The following TNRC6B variants were observed in gnomAD, a reference collection of about 807,000 sequenced individuals.
The protein encoded by TNRC6B is trinucleotide repeat-containing gene 6B protein.
In TNRC6B, 52 loss-of-function variants were observed where a neutral mutation model predicts 203.6. The observed-to-expected ratio is 0.26, with a 90% CI of 0.20 to 0.32. The LOEUF is 0.32. Among genes scored for constraint, TNRC6B ranks in the 10% least tolerant of loss-of-function variants. TNRC6B has a pLI of 1.00. For synonymous variants in TNRC6B, 838 were observed against 845.7 expected, an observed-to-expected ratio of 0.99 and a Z score of 0.16; for missense variants, 1,923 against 2,286.2, an observed-to-expected ratio of 0.84 and a Z score of 3.24.
At chr22:40,211,069 C>T (rs1347027984) in intron 1 of TNRC6B, among the ~76,000 whole-genome samples, 1 of 151,844 alleles carries the variant, frequency 6.6e-6, no homozygotes, top group African/African-American at 2.4e-5. Context: ...GTTACCAGCC[C>T]TTTTAATACT....
At chr22:40,294,258 A>ATCAATCAG (rs940848662) in intron 12 of TNRC6B, among the ~76,000 whole-genome samples, 2 of 152,076 alleles carry the variant, frequency 1.3e-5, no homozygotes, top group East Asian at 1.9e-4. Context: ...GTCTCAAAAA[A>ATCAATCAG]TCAATCAGTC....
chr22:40,309,613 C>T (rs1286855779), intron 16 of TNRC6B, among the ~76,000 whole-genome samples: 1 of 152,220 alleles, frequency 6.6e-6, no homozygotes, highest in African/African-American at 2.4e-5. Context: ...TGGGCACTTT[C>T]AATGCTTCCT....
chr22:40,251,704 G>T (rs1200899376), intron 3 of TNRC6B, among the ~76,000 whole-genome samples: 1 of 151,132 alleles, frequency 6.6e-6, no homozygotes, highest in African/African-American at 2.4e-5. Flanking sequence ...GGGCAACAAA[G>T]TGAGACTCCG....
intron 1 of TNRC6B, among the ~76,000 whole-genome samples, chr22:40,244,042 T>G (rs767564260): frequency 5.3e-5 from 8 of 152,182 alleles, no homozygotes; most frequent in Middle Eastern, 3.4e-3. Context: ...GGTTTCACTG[T>G]AAAATGTGGA....
intron 1 of TNRC6B, among the ~76,000 whole-genome samples, chr22:40,086,124 G>C (rs1479795317): frequency 6.6e-6 from 1 of 152,084 alleles, no homozygotes; most frequent in East Asian, 1.9e-4. Context: ...TACTGCCTTG[G>C]CCTCCCAGAG....
At chr22:40,193,183 G>A (rs1158469832) in intron 1 of TNRC6B, among the ~76,000 whole-genome samples, 2 of 152,114 alleles carry the variant, frequency 1.3e-5, no homozygotes, top group African/African-American at 2.4e-5. Flanking sequence ...TTGTTGTCGC[G>A]TGGCAAAGTC....
chr22:40,312,478 C>G (rs779729620), intron 17 of TNRC6B, 27 bp from the exon 18 acceptor site: 3 of 1,593,656 alleles, frequency 1.9e-6, no homozygotes, highest in Non-Finnish European at 2.6e-6. Flanking sequence ...GACCTTCCTT[C>G]TCTAATATTT....
chr22:40,136,889 CGTA>C (rs1404207471), intron 3 of TNRC6B, among the ~76,000 whole-genome samples: 4 of 152,074 alleles, frequency 2.6e-5, no homozygotes, highest in African/African-American at 9.7e-5. Context: ...AGCAAGTAAA[CGTA>C]GTCTTTGTCT....
chr22:40,082,665 A>C (rs1214834821), intron 1 of TNRC6B, among the ~76,000 whole-genome samples: 1 of 152,244 alleles, frequency 6.6e-6, no homozygotes, highest in Non-Finnish European at 1.5e-5. Context: ...CAGAGAGACC[A>C]ATGGGGAAGC....
intron 2 of TNRC6B, among the ~76,000 whole-genome samples, chr22:40,125,227 GTT>G (rs2068479462): frequency 6.6e-6 from 1 of 152,058 alleles, no homozygotes; most frequent in African/African-American, 2.4e-5. Context: ...CTGACATTTA[GTT>G]TATTAAGCAC....
intron 1 of TNRC6B, among the ~76,000 whole-genome samples, chr22:40,206,470 TC>T (rs2069479180): frequency 6.6e-6 from 1 of 151,444 alleles, no homozygotes; most frequent in Non-Finnish European, 1.5e-5. Context: ...TTTGTCATGT[TC>T]ATGGTTAAGA....
chr22:40,120,762 C>T (rs2068436600), intron 2 of TNRC6B, among the ~76,000 whole-genome samples: 1 of 152,122 alleles, frequency 6.6e-6, no homozygotes, highest in South Asian at 2.1e-4. Context: ...CAAAATTTCA[C>T]GTTTATCATT....
chr22:40,154,877 A>ATATATATATATG (rs2068804631), intron 3 of TNRC6B, among the ~76,000 whole-genome samples: 1 of 56,274 alleles, frequency 1.8e-5, no homozygotes, highest in Non-Finnish European at 3.2e-5. Context: ...ATATATATAT[A>ATATATATATATG]TATATATATA....
chr22:40,169,881 T>C (rs1367585154), intron 4 of TNRC6B, among the ~76,000 whole-genome samples: 1 of 152,202 alleles, frequency 6.6e-6, no homozygotes, highest in African/African-American at 2.4e-5. Context: ...GATTTATCTA[T>C]TTATTTTTGC....
At chr22:40,249,333 C>A (rs569739978) in intron 2 of TNRC6B, among the ~76,000 whole-genome samples, 20 of 152,338 alleles carry the variant, frequency 1.3e-4, no homozygotes, top group Non-Finnish European at 2.1e-4. Flanking sequence ...TTGACACTTA[C>A]TTAAAGCTAA....
chr22:40,045,306 C>G (rs1310572277), intron 1 of TNRC6B, among the ~76,000 whole-genome samples: 1 of 145,626 alleles, frequency 6.9e-6, no homozygotes, highest in Non-Finnish European at 1.5e-5. Context: ...ACGTCCGGCG[C>G]GCGGGCCGGG....
intron 1 of TNRC6B, among the ~76,000 whole-genome samples, chr22:40,229,583 T>C (rs2069839345): frequency 6.6e-6 from 1 of 152,122 alleles, no homozygotes; most frequent in African/African-American, 2.4e-5. Flanking sequence ...CTGTCTCCTC[T>C]TGCCCATTTA....
At chr22:40,262,762 G>A (rs189697463) in intron 4 of TNRC6B, among the ~76,000 whole-genome samples, 18 of 152,056 alleles carry the variant, frequency 1.2e-4, no homozygotes, top group Non-Finnish European at 2.4e-4. Flanking sequence ...GTTTTTGGCC[G>A]GGCACGGTGG....
At chr22:40,098,723 A>AT (rs1041159349) in intron 1 of TNRC6B, among the ~76,000 whole-genome samples, 23 of 151,598 alleles carry the variant, frequency 1.5e-4, no homozygotes, top group East Asian at 7.7e-4. Context: ...TATTTCTTTA[A>AT]TTTTTTTTAG....
Sources: gnomAD v4.1 joint callset for allele counts (sites outside exome capture counted in the v4.1 genomes callset) on GRCh38, gnomAD v4.1.1 for gene constraint, MANE v1.5 for transcripts, NCBI Gene and HGNC (gene_info 2026-07-23, HGNC 2026-07-21) for gene names.